Variants in SLC24A2 observed in about 807,000 individuals in gnomAD.
The protein encoded by SLC24A2 is sodium/potassium/calcium exchanger 2.
In SLC24A2, 36 loss-of-function variants were observed where a neutral mutation model predicts 62.0. The ratio of observed to expected loss-of-function variants is 0.58; its 90% CI spans 0.44 to 0.77. The LOEUF (loss-of-function observed/expected upper bound fraction) is 0.77, where lower values mean the gene tolerates loss of function less well. SLC24A2 is among the 30% of genes least tolerant of loss of function. The pLI, the probability that SLC24A2 is intolerant of heterozygous loss-of-function variation, is 0.00. For missense variants in SLC24A2, 846 were observed against 817.9 expected, an observed-to-expected ratio of 1.03 and a Z score of -0.42; for synonymous variants, 358 against 294.0, an observed-to-expected ratio of 1.22 and a Z score of -2.23.
intron 7 of SLC24A2, among the ~76,000 whole-genome samples, chr9:19,561,919 G>C (rs1835423504): frequency 6.6e-6 from 1 of 152,088 alleles, no homozygotes. Context: ...AATCTTCTTG[G>C]ACAAGACTCT....
intron 4 of SLC24A2, 103 bp downstream of exon 4, chr9:19,619,481 T>C (rs978602500): frequency 2.2e-6 from 2 of 906,224 alleles, no homozygotes; most frequent in Non-Finnish European, 1.9e-6. Context: ...AAGAGGAGGC[T>C]GGCAGGCGTG....
the SLC24A2 span, among the ~76,000 whole-genome samples, chr9:19,838,683 C>A: frequency 6.7e-6 from 1 of 150,188 alleles, no homozygotes; most frequent in South Asian, 2.1e-4. Flanking sequence ...TTTCAGTGTA[C>A]AAGTCTTTCA....
chr9:19,890,293 T>C, the SLC24A2 span, among the ~76,000 whole-genome samples: 3 of 152,302 alleles, frequency 2.0e-5, no homozygotes, highest in South Asian at 6.2e-4. Flanking sequence ...AACAAGTCAA[T>C]AGATGTAGTA....
At chr9:19,942,594 C>A in the SLC24A2 span, among the ~76,000 whole-genome samples, 1 of 152,170 alleles carries the variant, frequency 6.6e-6, no homozygotes, top group African/African-American at 2.4e-5. Flanking sequence ...AACAGCGCAT[C>A]GCATTCTTAA....
intron 2 of SLC24A2, chr9:19,705,488 C>G (rs1007230149): frequency 4.6e-6 from 1 of 215,524 alleles, no homozygotes; most frequent in Non-Finnish European, 1.0e-5. Flanking sequence ...CAACATTACT[C>G]TGTCCAGGAA....
chr9:19,650,003 C>T (rs1400428754), intron 2 of SLC24A2, among the ~76,000 whole-genome samples: 1 of 152,224 alleles, frequency 6.6e-6, no homozygotes, highest in Non-Finnish European at 1.5e-5. Context: ...AATTCTAACT[C>T]TGGCGGGGTA....
the SLC24A2 span, among the ~76,000 whole-genome samples, chr9:19,847,014 C>G: frequency 6.6e-6 from 1 of 151,930 alleles, no homozygotes; most frequent in Non-Finnish European, 1.5e-5. Context: ...AGAGCAAAAT[C>G]CAGTCTCTTA....
chr9:19,971,450 A>G, the SLC24A2 span, among the ~76,000 whole-genome samples: 2 of 152,172 alleles, frequency 1.3e-5, no homozygotes, highest in Non-Finnish European at 2.9e-5. Flanking sequence ...TACAGTAGGG[A>G]TATGTGTTAA....
intron 2 of SLC24A2, among the ~76,000 whole-genome samples, chr9:19,625,919 T>G (rs1325462128): frequency 1.3e-5 from 2 of 152,062 alleles, no homozygotes; most frequent in Non-Finnish European, 2.9e-5. Flanking sequence ...ACTCCTGACC[T>G]CAGGTTATCC....
At chr9:20,244,784 A>G in the SLC24A2 span, among the ~76,000 whole-genome samples, 1 of 152,216 alleles carries the variant, frequency 6.6e-6, no homozygotes, top group Non-Finnish European at 1.5e-5. Context: ...TCTTTATAGA[A>G]GCAAATTTTT....
the SLC24A2 span, among the ~76,000 whole-genome samples, chr9:20,106,827 C>T: frequency 0.11 from 16,628 of 151,492 alleles, 966 homozygotes; most frequent in Middle Eastern, 0.17. Flanking sequence ...CTATTCAACA[C>T]AGTGTTGGAA....
intron 7 of SLC24A2, among the ~76,000 whole-genome samples, chr9:19,561,681 C>G (rs557456578): frequency 1.3e-5 from 2 of 150,918 alleles, no homozygotes; most frequent in Non-Finnish European, 3.0e-5. Context: ...CCACCTGCCT[C>G]GGCCTCCCAA....
chr9:20,013,410 C>G, the SLC24A2 span, among the ~76,000 whole-genome samples: 1 of 152,100 alleles, frequency 6.6e-6, no homozygotes, highest in Non-Finnish European at 1.5e-5. Flanking sequence ...CAAAAATCAA[C>G]TTAAGATAGA....
At chr9:19,582,804 C>T (rs556317303) in intron 5 of SLC24A2, among the ~76,000 whole-genome samples, 1 of 152,214 alleles carries the variant, frequency 6.6e-6, no homozygotes, top group East Asian at 1.9e-4. Flanking sequence ...CTGGGCTCCC[C>T]TGTTTCTCTC....
intron 2 of SLC24A2, among the ~76,000 whole-genome samples, chr9:19,670,586 G>A (rs570535463): frequency 6.8e-4 from 104 of 152,242 alleles, no homozygotes; most frequent in African/African-American, 2.4e-3. Context: ...TTTTACAGAT[G>A]GGGGAATTTA....
At chr9:19,654,669 A>C (rs530914862) in intron 2 of SLC24A2, among the ~76,000 whole-genome samples, 1 of 152,188 alleles carries the variant, frequency 6.6e-6, no homozygotes, top group African/African-American at 2.4e-5. Context: ...CCTCCTTGAG[A>C]GTAGCTGTCC....
rs746253497 is a variant in SLC24A2, at chr9:19,619,590, C to T, written c.1072G>A (p.Ala358Thr). Residue 358 changes from alanine to threonine, a missense_variant, in exon 4 of 11, where the codon GCC becomes ACC. Transcript: ENST00000341998. ...QLMIHTLDPL[A>T]EELGSYGKLK... is the part of the protein sequence containing the mutation. ...ACCAAAGCTTGATGTTTACCTTCGG[C>T]GAGTGGGTCAAGGGTGTGTATCATG... 32 of 1,611,968 alleles carry T rather than the reference C, an allele frequency of 2.0e-5. No individual in the cohort carries two copies. Among genetic ancestry groups the T allele is most frequent in the East Asian group, 4.5e-5 (2 of 44,886 alleles).
intron 7 of SLC24A2, among the ~76,000 whole-genome samples, chr9:19,562,792 T>C (rs1275025044): frequency 6.6e-6 from 1 of 152,210 alleles, no homozygotes; most frequent in Non-Finnish European, 1.5e-5. Context: ...ATAGTTCTAA[T>C]ACTGTTCAGG....
the SLC24A2 span, among the ~76,000 whole-genome samples, chr9:20,133,241 T>TACAC: frequency 7.6e-3 from 1,153 of 151,096 alleles, 9 homozygotes; most frequent in South Asian, 0.024. Flanking sequence ...CATGTATGTA[T>TACAC]ACACACACAC....
Sources: gnomAD v4.1 joint callset for allele counts (sites outside exome capture counted in the v4.1 genomes callset) on GRCh38, gnomAD v4.1.1 for gene constraint, MANE v1.5 for transcripts, NCBI Gene and HGNC (gene_info 2026-07-23, HGNC 2026-07-21) for gene names.